The following SEPSECS variants were observed in gnomAD, a reference collection of about 807,000 sequenced individuals.
SEPSECS encodes Sep (O-phosphoserine) tRNA:Sec (selenocysteine) tRNA synthase.
In SEPSECS, 42 loss-of-function variants were observed where a neutral mutation model predicts 52.1. The observed-to-expected ratio is 0.81, with a 90% CI of 0.63 to 1.04. SEPSECS has a LOEUF of 1.04. SEPSECS is among the 50% of genes least tolerant of loss of function. The probability of loss-of-function intolerance (pLI) is 0.00; values close to 1 mark genes in which losing one functional copy is unlikely to be tolerated. For synonymous variants in SEPSECS, 216 were observed against 211.4 expected, an observed-to-expected ratio of 1.02 and a Z score of -0.19; for missense variants, 590 against 610.6, an observed-to-expected ratio of 0.97 and a Z score of 0.36.
intron 8 of SEPSECS, among the ~76,000 whole-genome samples, chr4:25,130,539 T>C (rs1360512533): frequency 6.6e-6 from 1 of 152,222 alleles, no homozygotes; most frequent in Non-Finnish European, 1.5e-5. Context: ...CTCGTATCAC[T>C]AGTACGGGAG....
intron 8 of SEPSECS, among the ~76,000 whole-genome samples, chr4:25,136,668 T>G (rs1241385211): frequency 6.6e-6 from 1 of 152,046 alleles, no homozygotes; most frequent in Non-Finnish European, 1.5e-5. Context: ...AATGTTATTT[T>G]CATCAAACTA....
intron 8 of SEPSECS, among the ~76,000 whole-genome samples, chr4:25,136,422 G>A (rs1438827694): frequency 6.6e-6 from 1 of 151,938 alleles, no homozygotes; most frequent in Non-Finnish European, 1.5e-5. Flanking sequence ...CAAGCAGAGA[G>A]CCAAATCATT....
At chr4:25,154,619 T>C (rs3796796) in intron 5 of SEPSECS, among the ~76,000 whole-genome samples, 2,291 of 152,276 alleles carry the variant, frequency 0.015, 68 homozygotes, top group East Asian at 0.15. Context: ...CTAATTTTTT[T>C]TTAATTTATT....
Position 25,136,635 on chromosome 4 carries a change from T to C in SEPSECS, c.1026+8139A>G, listed in dbSNP as rs1728853358. Among the ~76,000 whole-genome samples the C allele has an allele frequency of 3.3e-5, 5 of 152,198 alleles. No individual in the cohort carries two copies. The South Asian group carries it at 1.0e-3, about 32-fold the overall frequency. On this transcript the variant is annotated intron_variant, in intron 8 of 10. Coordinates refer to ENST00000382103, the MANE Select transcript of SEPSECS (RefSeq NM_016955.4). ...ACCACTATCATGAAAATGGCCACACTGCCCAAAGAAATTTATAGAGTCAAT... is the reference window on the plus strand; with the variant it reads ...ACCACTATCATGAAAATGGCCACACCGCCCAAAGAAATTTATAGAGTCAAT...
intron 5 of SEPSECS, 84 bp downstream of exon 5, chr4:25,154,914 G>T: frequency 7.4e-7 from 1 of 1,355,244 alleles, no homozygotes; most frequent in Non-Finnish European, 1.0e-6. Flanking sequence ...ATTGTGAAGT[G>T]TTATTTAAGC....
chr4:25,144,070 G>A (rs904609042), intron 8 of SEPSECS, among the ~76,000 whole-genome samples: 2 of 152,126 alleles, frequency 1.3e-5, no homozygotes, highest in Non-Finnish European at 2.9e-5. Context: ...GCCAGGCGTG[G>A]TGGGTAACGT....
chr4:25,142,735 C>T (rs773954943), intron 8 of SEPSECS, among the ~76,000 whole-genome samples: 40 of 152,110 alleles, frequency 2.6e-4, no homozygotes, highest in African/African-American at 4.3e-4. Context: ...GAGACCATTG[C>T]GTTAAAAAGA....
chr4:25,131,896 C>T (rs1460783110), intron 8 of SEPSECS, among the ~76,000 whole-genome samples: 2 of 152,220 alleles, frequency 1.3e-5, no homozygotes, highest in Non-Finnish European at 2.9e-5. Context: ...TGATCTTCTC[C>T]AGAAGCAAAA....
At chr4:25,132,341 C>T (rs1728643625) in intron 8 of SEPSECS, among the ~76,000 whole-genome samples, 1 of 152,130 alleles carries the variant, frequency 6.6e-6, no homozygotes, top group Admixed American at 6.6e-5. Context: ...AAGGAGCTCT[C>T]AGTGATGGTA....
In SEPSECS at chr4:25,156,339, A is replaced by G. The variant is rs1034915170; in HGVS notation, c.389-144T>C. 11 of 658,986 alleles carry G rather than the reference A, an allele frequency of 1.7e-5. No individual in the cohort carries two copies. In the African/African-American group the frequency reaches 2.0e-4, roughly 12 times the overall value. The allele number at this position is 658,986 out of a possible 1,614,324, so 40.8% of individuals were successfully genotyped here. ...TCTGTACTCGCTCTTGGAAAGCTCA[A>G]TGCCAAATTCAACTTCAGGGCTTAT... On this transcript the variant is annotated intron_variant, in intron 3 of 10. Transcript: ENST00000382103.
At chr4:25,131,146 A>AT (rs1415902417) in intron 8 of SEPSECS, among the ~76,000 whole-genome samples, 1 of 152,230 alleles carries the variant, frequency 6.6e-6, no homozygotes, top group Non-Finnish European at 1.5e-5. Flanking sequence ...ATTAAGCATT[A>AT]TCTTTCATAT....
chr4:25,160,287 T>C lies in SEPSECS; in HGVS notation c.83A>G (p.His28Arg), dbSNP rs776881142. 29 of 1,555,040 alleles carry C rather than the reference T, an allele frequency of 1.9e-5. No individual in the cohort carries two copies. Among genetic ancestry groups the C allele is most frequent in the Non-Finnish European group, 2.3e-5 (26 of 1,148,812 alleles). The change falls in exon 1 of 11, where the codon CAT becomes CGT. Residue 28 changes from histidine to arginine, a missense_variant. Coordinates refer to ENST00000382103, the MANE Select transcript of SEPSECS (RefSeq NM_016955.4). Reference protein sequence around the residue: ...VRQGCEARRSHEHLIRLLLEK... With the variant: ...VRQGCEARRSREHLIRLLLEK... ...CAGAAGCAGCCGTATGAGGTGCTCA[T>C]GCGAGCGGCGGGCCTCACAGCCCTG...
chr4:25,128,487 TA>T (rs1728477696), intron 8 of SEPSECS, among the ~76,000 whole-genome samples: 5 of 151,784 alleles, frequency 3.3e-5, no homozygotes, highest in African/African-American at 1.2e-4. Context: ...CAACTAAAAC[TA>T]AAAATTGTCC....
At chr4:25,136,232 G>A (rs186212098) in intron 8 of SEPSECS, among the ~76,000 whole-genome samples, 3 of 152,058 alleles carry the variant, frequency 2.0e-5, no homozygotes, top group African/African-American at 7.2e-5. Context: ...AGAAATAAAG[G>A]GTATTCAAAT....
intron 8 of SEPSECS, among the ~76,000 whole-genome samples, chr4:25,136,739 AAG>A (rs1258169295): frequency 2.0e-5 from 3 of 152,302 alleles, no homozygotes; most frequent in East Asian, 1.9e-4. Context: ...GGAACCAAAA[AAG>A]AGTCTGTATA....
intron 4 of SEPSECS, 98 bp downstream of exon 4, chr4:25,155,939 A>C: frequency 8.7e-7 from 1 of 1,156,048 alleles, no homozygotes; most frequent in Non-Finnish European, 1.3e-6. Context: ...AGCAATAGGG[A>C]AGAGAGTTAG....
chr4:25,146,913 A>G (rs950486400), intron 6 of SEPSECS, among the ~76,000 whole-genome samples: 8 of 152,066 alleles, frequency 5.3e-5, no homozygotes, highest in Non-Finnish European at 7.4e-5. Flanking sequence ...CCTACAGTCT[A>G]TTTCCCACAT....
intron 8 of SEPSECS, among the ~76,000 whole-genome samples, chr4:25,134,052 GAGGTC>G (rs1728725014): frequency 7.1e-6 from 1 of 140,562 alleles, no homozygotes; most frequent in East Asian, 2.2e-4. Flanking sequence ...TGAACCCAGA[GAGGTC>G]AAGGCTGCAG....
intron 6 of SEPSECS, 46 bp downstream of exon 6, chr4:25,151,914 A>G: frequency 2.0e-6 from 2 of 1,017,568 alleles, no homozygotes; most frequent in Non-Finnish European, 3.1e-6. Context: ...ATAATATGTT[A>G]AAATGAATTT....
Sources: allele counts gnomAD v4.1 joint callset (sites outside exome capture counted in the v4.1 genomes callset), GRCh38; gene constraint gnomAD v4.1.1; transcripts MANE v1.5; gene names NCBI Gene and HGNC (gene_info 2026-07-23, HGNC 2026-07-21).